Variants in RAI1 observed in about 807,000 individuals in gnomAD.
The protein encoded by RAI1 is retinoic acid induced 1.
A neutral mutation model predicts 123.8 loss-of-function variants in RAI1; 9 were observed. That is an observed-to-expected ratio of 0.07 (90% CI 0.04 to 0.13). The LOEUF is 0.13. RAI1 is among the 10% of genes least tolerant of loss of function. The pLI is 1.00. For missense variants in RAI1, 2,256 were observed against 2,545.8 expected (o/e 0.89, Z 2.45); for synonymous variants, 1,231 against 1,127.3 (o/e 1.09, Z -1.84).
intron 1 of RAI1, among the ~76,000 whole-genome samples, chr17:17,698,473 G>T (rs931861700): frequency 6.6e-6 from 1 of 152,142 alleles, no homozygotes. Context: ...AACAGCCCTC[G>T]GTCTCCCCCT....
At position 17,796,411 on chromosome 17, in the gene RAI1, A is replaced by G. The variant is rs2143002667; in HGVS notation, c.3463A>G (p.Ile1155Val). ...ILRSRTKTQE[I>V]FHSKRRRPSE... ...TCGGTCACGCACCAAAACCCAGGAG[A>G]TCTTCCACTCCAAGCGGCGGAGGCC... The change falls in exon 3 of 6, where the codon ATC (isoleucine) becomes GTC (valine). Residue 1155 changes from isoleucine to valine, a missense_variant. By Grantham distance (29) the Ile-to-Val change is conservative. Coordinates refer to ENST00000353383, the MANE Select transcript of RAI1 (RefSeq NM_030665.4). This position sits in a 1 kb window ranked among gnomAD's most constrained non-coding sequence, Gnocchi z 5.8. 6.2e-7 allele frequency: 1 copy of G among 1,613,528 alleles called. No homozygotes were observed. The highest frequency in any genetic ancestry group is 8.5e-7 in the Non-Finnish European group (1 of 1,179,986).
At chr17:17,788,800 C>T (rs1036578198) in intron 2 of RAI1, among the ~76,000 whole-genome samples, 2 of 152,152 alleles carry the variant, frequency 1.3e-5, no homozygotes, top group African/African-American at 4.8e-5. Context: ...CAGCCACCAC[C>T]TCCCAGCTGG....
chr17:17,741,050 G>A (rs12942059), intron 2 of RAI1, among the ~76,000 whole-genome samples: 43,051 of 151,010 alleles, frequency 0.29, 7,822 homozygotes, highest in Non-Finnish European at 0.42. Context: ...CAGAGCATCC[G>A]GAGTGTGGTG....
At chr17:17,702,382 C>T (rs1228732234) in intron 1 of RAI1, among the ~76,000 whole-genome samples, 1 of 152,234 alleles carries the variant, frequency 6.6e-6, no homozygotes, top group Non-Finnish European at 1.5e-5. Flanking sequence ...CAGCTGGGTT[C>T]CTCACTACCA....
chr17:17,726,728 GAA>G (rs5819621), intron 2 of RAI1, among the ~76,000 whole-genome samples: 2 of 151,148 alleles, frequency 1.3e-5, no homozygotes, highest in African/African-American at 2.4e-5. Flanking sequence ...CAGAAAAGCT[GAA>G]AAAAAAAGAG....
At chr17:17,686,026 G>A (rs764019119) in intron 1 of RAI1, among the ~76,000 whole-genome samples, 15 of 152,234 alleles carry the variant, frequency 9.9e-5, no homozygotes, top group Non-Finnish European at 1.8e-4. Flanking sequence ...TCGTGGCATA[G>A]CGTTTATCAC....
At chr17:17,792,676 T>C (rs1443194336) in intron 2 of RAI1, among the ~76,000 whole-genome samples, 4 of 151,638 alleles carry the variant, frequency 2.6e-5, no homozygotes, top group Admixed American at 6.6e-5. Flanking sequence ...CTGCAGGCGA[T>C]GTGGGAGCGG....
chr17:17,798,390 G>A lies in RAI1; in HGVS notation c.5442G>A (p.Glu1814=), dbSNP rs761383970. The A allele has an allele frequency of 6.2e-7, 1 of 1,609,976 alleles. No homozygotes were observed. The highest frequency in any genetic ancestry group is 8.5e-7 in the Non-Finnish European group (1 of 1,178,670). ...AGTGCAGCAAGGAGGCTCCGGCAGA[G>A]CCCGGCGGGGAGGCCCAGGAGCACT... ...KHECSKEAPA[E]PGGEAQEHWV... is the part of the protein sequence containing the mutation. Residue 1814 remains glutamate (E), a synonymous_variant, in exon 3 of 6, where the codon GAG becomes GAA. Transcript: ENST00000353383.
chr17:17,753,004 C>T (rs1327681972), intron 2 of RAI1, among the ~76,000 whole-genome samples: 5 of 152,238 alleles, frequency 3.3e-5, no homozygotes, highest in Non-Finnish European at 7.3e-5. Context: ...GTGGTGCCGG[C>T]TGTACTGGCC....
rs572965928 is a variant in RAI1, at chr17:17,695,946, G to A, written c.-149+14153G>A. On this transcript the variant is annotated intron_variant, in intron 1 of 5. Coordinates refer to ENST00000353383, the MANE Select transcript of RAI1 (RefSeq NM_030665.4). ...AAGGGAGGCTGTATGCTGGTTGAGAGGCTGTCCTCGCGCCTTTCTCCCTCC... is the reference window on the plus strand; with the variant it reads ...AAGGGAGGCTGTATGCTGGTTGAGAAGCTGTCCTCGCGCCTTTCTCCCTCC... Among the ~76,000 whole-genome samples, 117 of 152,314 alleles carry A rather than the reference G, an allele frequency of 7.7e-4. 1 individual carries two copies. Among genetic ancestry groups the A allele is most frequent in the African/African-American group, 2.5e-3 (106 of 41,576 alleles).
At chr17:17,721,592 G>C (rs368071319) in intron 1 of RAI1, among the ~76,000 whole-genome samples, 24 of 152,294 alleles carry the variant, frequency 1.6e-4, no homozygotes, top group African/African-American at 5.5e-4. Context: ...CCACCTGGGG[G>C]ACTTTCTCCT....
At position 17,809,104 on chromosome 17, in the gene RAI1, A is replaced by T. The variant is rs2032653858; in HGVS notation, c.5660-286A>T. ...TAAGGCGGGAGGGAGGGAGGGACTG[A>T]GGGACTGCCTCAAGTGAGGAGGGGC... On this transcript the variant is annotated intron_variant, in intron 4 of 5. Transcript: ENST00000353383. The surrounding 1 kb of genome is among the most constrained non-coding windows in gnomAD (Gnocchi z 4.9). 1.2e-5 allele frequency: 6 copies of T among 520,272 alleles called. No individual in the cohort carries two copies. The highest frequency in any genetic ancestry group is 6.6e-4 in the Middle Eastern group (2 of 3,040). 32.2% of individuals were successfully genotyped at this position (520,272 alleles called of 1,614,324 possible).
Position 17,750,444 on chromosome 17 carries a change from G to A in RAI1, c.-17+26285G>A, listed in dbSNP as rs936712287. Among the ~76,000 whole-genome samples the A allele has an allele frequency of 2.6e-5, 4 of 152,228 alleles. 1 individual carries two copies. Among genetic ancestry groups the A allele is most frequent in the South Asian group, 4.1e-4 (2 of 4,826 alleles). Reference sequence around the variant, plus strand: ...ATACCCATTAGAAACATGATGGGCCGGGCACGGTGGCTCATGCCTGTAATC... The same window carrying A: ...ATACCCATTAGAAACATGATGGGCCAGGCACGGTGGCTCATGCCTGTAATC... On this transcript the variant is annotated intron_variant, in intron 2 of 5. Transcript: ENST00000353383.
At chr17:17,692,842 A>G (rs765823486) in intron 1 of RAI1, among the ~76,000 whole-genome samples, 2 of 152,200 alleles carry the variant, frequency 1.3e-5, no homozygotes, top group African/African-American at 2.4e-5. Flanking sequence ...AAGGGGAAGG[A>G]GGAGGTCCTT....
In RAI1 at chr17:17,794,483, C is replaced by G. The variant is rs754304224; in HGVS notation, c.1535C>G (p.Pro512Arg). 1 of 1,611,796 alleles carries G rather than the reference C, an allele frequency of 6.2e-7. No homozygotes were observed. Among genetic ancestry groups the G allele is most frequent in the Non-Finnish European group, 8.5e-7 (1 of 1,179,440 alleles). ...ACGCCACAGTCCACGCATGCGGAGC[C>G]GCAGGAGGCCGACTACCTGAGCGGC... is the stretch of plus-strand genomic sequence containing the variant. ...SSTPQSTHAEPQEADYLSGSE... is the reference protein window; with the variant it reads ...SSTPQSTHAERQEADYLSGSE... Residue 512 changes from proline to arginine, a missense_variant, in exon 3 of 6, where the codon CCG becomes CGG. Around this residue, in one of 7 missense-constraint regions of RAI1, gnomAD observed 357 missense variants for 480.2 expected, o/e 0.74. Transcript: ENST00000353383.
At chr17:17,701,115 C>T (rs538763019) in intron 1 of RAI1, among the ~76,000 whole-genome samples, 1 of 152,270 alleles carries the variant, frequency 6.6e-6, no homozygotes, top group East Asian at 1.9e-4. Flanking sequence ...AGCCCCTGTC[C>T]TCCTGGGATG....
chr17:17,795,838 G>C lies in RAI1; in HGVS notation c.2890G>C (p.Asp964His). Residue 964 changes from aspartate (D) to histidine (H), a missense_variant, in exon 3 of 6, where the codon GAT becomes CAT. Around this residue, in one of 7 missense-constraint regions of RAI1, gnomAD observed 566 missense variants for 616.0 expected, o/e 0.92. Coordinates refer to ENST00000353383, the MANE Select transcript of RAI1 (RefSeq NM_030665.4). This position sits in a 1 kb window ranked among gnomAD's most constrained non-coding sequence, Gnocchi z 5.9. ...EGPDGERAPG[D>H]STTSDASLAQ... ...GCCTGATGGGGAGCGAGCTCCAGGG[G>C]ATTCCACCACCTCGGACGCCTCTCT... The C allele has an allele frequency of 1.9e-6, 3 of 1,613,430 alleles. No homozygotes were observed. The highest frequency in any genetic ancestry group is 2.5e-6 in the Non-Finnish European group (3 of 1,180,016).
At chr17:17,735,878 G>A (rs1464943757) in intron 2 of RAI1, among the ~76,000 whole-genome samples, 1 of 152,230 alleles carries the variant, frequency 6.6e-6, no homozygotes, top group Non-Finnish European at 1.5e-5. Flanking sequence ...CCTGGTTGGA[G>A]GGACTGACAG....
intron 1 of RAI1, among the ~76,000 whole-genome samples, chr17:17,687,596 G>A (rs76576285): frequency 2.0e-5 from 3 of 152,106 alleles, no homozygotes; most frequent in African/African-American, 4.8e-5. Flanking sequence ...AGATAGGGTC[G>A]GGGTAGGGGA....
Sources: allele counts gnomAD v4.1 joint callset (sites outside exome capture counted in the v4.1 genomes callset), GRCh38; gene constraint gnomAD v4.1.1; regional missense constraint gnomAD v4.1.1; non-coding constraint Gnocchi (gnomAD v3.1); transcripts MANE v1.5; gene names NCBI Gene and HGNC (gene_info 2026-07-23, HGNC 2026-07-21).